The following CD6 variants were observed in gnomAD, a reference collection of about 807,000 sequenced individuals.
CD6 encodes CD6 molecule, also known as T-cell differentiation antigen CD6.
Under a neutral mutation model 75.3 loss-of-function variants are expected in CD6, and 53 were observed. The ratio of observed to expected loss-of-function variants is 0.70; its 90% CI spans 0.56 to 0.88. The LOEUF is 0.88. Ranked by LOEUF, CD6 falls within the 40% of genes least tolerant of loss-of-function variation. The probability of loss-of-function intolerance (pLI) is 0.00; values close to 1 mark genes in which losing one functional copy is unlikely to be tolerated. For missense variants in CD6, 770 were observed against 897.1 expected, an observed-to-expected ratio of 0.86 and a Z score of 1.81; for synonymous variants, 359 against 381.5, an observed-to-expected ratio of 0.94 and a Z score of 0.69.
intron 1 of CD6, among the ~76,000 whole-genome samples, chr11:60,976,646 T>C (rs1857374415): frequency 6.6e-6 from 1 of 152,348 alleles, no homozygotes; most frequent in East Asian, 1.9e-4. Flanking sequence ...AGTTTTTCCA[T>C]CTCAGTGGAC....
chr11:60,985,469 G>A (rs1857771971), intron 1 of CD6, among the ~76,000 whole-genome samples: 1 of 151,972 alleles, frequency 6.6e-6, no homozygotes, highest in Admixed American at 6.6e-5. Context: ...ACAGGTATAA[G>A]CCACCGCACC....
chr11:60,996,867 AC>A (rs1308755981), intron 1 of CD6, among the ~76,000 whole-genome samples: 1 of 152,222 alleles, frequency 6.6e-6, no homozygotes, highest in Non-Finnish European at 1.5e-5. Context: ...ATACTTGCTG[AC>A]AAAAAGCCTT....
chr11:61,019,999 G>A lies in CD6; in HGVS notation c.*681G>A, dbSNP rs1193657185. On this transcript the variant is annotated 3_prime_UTR_variant, in exon 13 of 13. Coordinates refer to ENST00000313421, the MANE Select transcript of CD6 (RefSeq NM_006725.5). ...CAGTCCTGCCCCAGAGACACTCCAAGTCCGCCAGGGGCACAGACCAGTTCT... is the reference window on the plus strand; with the variant it reads ...CAGTCCTGCCCCAGAGACACTCCAAATCCGCCAGGGGCACAGACCAGTTCT... 1.0e-5 allele frequency: 4 copies of A among 396,960 alleles called. No individual in the cohort carries two copies. Among genetic ancestry groups the A allele is most frequent in the African/African-American group, 8.2e-5 (4 of 48,622 alleles). 24.6% of individuals were successfully genotyped at this position (396,960 alleles called of 1,614,324 possible).
intron 1 of CD6, among the ~76,000 whole-genome samples, chr11:60,983,732 G>A (rs1857682443): frequency 6.6e-6 from 1 of 151,858 alleles, no homozygotes; most frequent in Non-Finnish European, 1.5e-5. Flanking sequence ...ATAATCGACA[G>A]AATTTATTCA....
intron 1 of CD6, among the ~76,000 whole-genome samples, chr11:61,004,247 T>G (rs1335837040): frequency 6.6e-6 from 1 of 151,756 alleles, no homozygotes; most frequent in Non-Finnish European, 1.5e-5. Context: ...TGCACACACC[T>G]CACAGTCATA....
At chr11:60,972,255 G>C (rs959287468) in intron 1 of CD6, among the ~76,000 whole-genome samples, 1 of 152,188 alleles carries the variant, frequency 6.6e-6, no homozygotes, top group African/African-American at 2.4e-5. Flanking sequence ...TCTTAAGAAG[G>C]AACCGTTCAC....
intron 1 of CD6, among the ~76,000 whole-genome samples, chr11:60,983,099 A>AC (rs1257665075): frequency 2.5e-4 from 34 of 134,366 alleles, no homozygotes; most frequent in African/African-American, 9.2e-4. Context: ...TTTTTACTTC[A>AC]CTTTTTTTTT....
In CD6 at chr11:61,019,895, A is replaced by C; in HGVS notation, c.*577A>C. 1.4e-5 allele frequency: 5 copies of C among 351,716 alleles called. No individual in the cohort carries two copies. The highest frequency in any genetic ancestry group is 4.2e-5 in the East Asian group (1 of 23,614). The allele number at this position is 351,716 out of a possible 1,614,324, so 21.8% of individuals were successfully genotyped here. On this transcript the variant is annotated 3_prime_UTR_variant, in exon 13 of 13. Coordinates refer to ENST00000313421, the MANE Select transcript of CD6 (RefSeq NM_006725.5). The stretch of plus-strand genomic sequence containing the variant: ...GGCGGTAACTGCACTTGGGCAGGGA[A>C]TATAGCCTTCCTGGGCACAACTAGC...
In CD6 at chr11:61,008,542, G is replaced by C; in HGVS notation, c.478G>C (p.Ala160Pro). ...RARVTCAENR[A>P]LRLVDGGGAC... ...CCCCCTCCCACCCCTAGAGAACCGC[G>C]CGCTGCGCCTGGTGGACGGTGGCGG... Residue 160 changes from alanine to proline, a missense_variant, in exon 4 of 13, where the codon GCG becomes CCG. Physicochemically the swap from Ala to Pro is conservative, Grantham distance 27. Transcript: ENST00000313421. The C allele has an allele frequency of 6.3e-7, 1 of 1,598,904 alleles. No homozygotes were observed. The highest frequency in any genetic ancestry group is 1.1e-5 in the South Asian group (1 of 88,788).
intron 1 of CD6, among the ~76,000 whole-genome samples, chr11:60,982,945 G>C (rs1382957688): frequency 2.0e-5 from 3 of 151,966 alleles, no homozygotes; most frequent in Non-Finnish European, 1.5e-5. Context: ...GAGAATGCGG[G>C]GGACTGCTAT....
In CD6 at chr11:61,006,622, A is replaced by C. The variant is rs929703552; in HGVS notation, c.98A>C (p.Glu33Ala). ...GACCAGCTCAACACCAGCAGTGCAG[A>C]GAGTGAGCTCTGGGAGCCAGGTGAG... ...PPDQLNTSSA[E>A]SELWEPGERL... The change falls in exon 2 of 13, where the codon GAG (glutamate) becomes GCG (alanine). Residue 33 changes from glutamate to alanine, a missense_variant. Coordinates refer to ENST00000313421, the MANE Select transcript of CD6 (RefSeq NM_006725.5). 1.2e-6 allele frequency: 2 copies of C among 1,610,516 alleles called. No homozygotes were observed. The highest frequency in any genetic ancestry group is 1.7e-6 in the Non-Finnish European group (2 of 1,178,578).
intron 1 of CD6, among the ~76,000 whole-genome samples, chr11:60,980,949 C>A (rs996670251): frequency 2.6e-5 from 4 of 152,172 alleles, no homozygotes; most frequent in Non-Finnish European, 5.9e-5. Context: ...ACCAGCCAGT[C>A]CGGCTGGTCC....
In CD6 at chr11:60,972,870, G is replaced by T. The variant is rs184928044; in HGVS notation, c.49+956G>T. Reference sequence around the variant, plus strand: ...CAGGGAGTGCTCTCCTCTCTGCCTTGATCTCCAGGCATGTGTTCCGAGCCT... The same window carrying T: ...CAGGGAGTGCTCTCCTCTCTGCCTTTATCTCCAGGCATGTGTTCCGAGCCT... On this transcript the variant is annotated intron_variant, in intron 1 of 12. Transcript: ENST00000313421. Among the ~76,000 whole-genome samples the T allele has an allele frequency of 2.6e-5, 4 of 152,246 alleles. No homozygotes were observed. In the East Asian group the frequency reaches 7.7e-4, roughly 29 times the overall value.
intron 1 of CD6, among the ~76,000 whole-genome samples, chr11:60,981,035 C>T (rs1857542566): frequency 6.6e-6 from 1 of 152,002 alleles, no homozygotes; most frequent in South Asian, 2.1e-4. Flanking sequence ...GCCTCCTGAC[C>T]CAGACTGGTG....
intron 4 of CD6, 21 bp downstream of exon 4, chr11:61,008,866 A>G: frequency 6.6e-7 from 1 of 1,504,780 alleles, no homozygotes; most frequent in Non-Finnish European, 8.9e-7. Flanking sequence ...GGAGTCACTG[A>G]AGCCCGGTCA....
chr11:61,011,383 C>T (rs181148801), intron 6 of CD6, among the ~76,000 whole-genome samples: 143 of 151,926 alleles, frequency 9.4e-4, no homozygotes, highest in African/African-American at 3.2e-3. Context: ...AAGTCCATTC[C>T]CCCACTTTCC....
At chr11:61,018,048 G>A in intron 11 of CD6, 35 bp downstream of exon 11, 10 of 1,601,570 alleles carry the variant, frequency 6.2e-6, no homozygotes, top group Non-Finnish European at 8.5e-6. Context: ...CCATCCCATA[G>A]CCAGCCTGGC....
intron 1 of CD6, among the ~76,000 whole-genome samples, chr11:60,990,767 A>C (rs1169452436): frequency 5.9e-5 from 9 of 151,928 alleles, no homozygotes; most frequent in Admixed American, 1.3e-4. Flanking sequence ...GATGGTATTG[A>C]GACATGTACT....
chr11:61,018,359 C>A lies in CD6; in HGVS notation c.1908C>A (p.Pro636=). 6.2e-7 allele frequency: 1 copy of A among 1,605,904 alleles called. No homozygotes were observed. The stretch of plus-strand genomic sequence containing the variant: ...GGTACCAGAACTTCCAGCCACCACC[C>A]CAGCCCCCTTCGGAGGAGCAGTTTG... The part of the protein sequence containing the change: ...GEWYQNFQPP[P]QPPSEEQFGC... Residue 636 remains proline (P), a synonymous_variant, in exon 12 of 13, where the codon CCC becomes CCA. Coordinates refer to ENST00000313421, the MANE Select transcript of CD6 (RefSeq NM_006725.5).
Sources: gnomAD v4.1 joint callset for allele counts (sites outside exome capture counted in the v4.1 genomes callset) on GRCh38, gnomAD v4.1.1 for gene constraint, MANE v1.5 for transcripts, NCBI Gene and HGNC (gene_info 2026-07-23, HGNC 2026-07-21) for gene names.